The following MGAT4C variants were observed in gnomAD, a reference collection of about 807,000 sequenced individuals.
The protein encoded by MGAT4C is MGAT4 family member C, also known as alpha-1,3-mannosyl-glycoprotein 4-beta-N-acetylglucosaminyltransferase C.
A neutral mutation model predicts 40.1 loss-of-function variants in MGAT4C; 19 were observed. That is an observed-to-expected ratio of 0.47 (90% CI 0.33 to 0.70). The LOEUF (loss-of-function observed/expected upper bound fraction) is 0.70, where lower values mean the gene tolerates loss of function less well. Ranked by LOEUF, MGAT4C falls within the 30% of genes least tolerant of loss-of-function variation. The probability of loss-of-function intolerance (pLI) is 0.02; values close to 1 mark genes in which losing one functional copy is unlikely to be tolerated. For missense variants in MGAT4C, 491 were observed against 563.2 expected, an observed-to-expected ratio of 0.87 and a Z score of 1.30; for synonymous variants, 181 against 187.1, an observed-to-expected ratio of 0.97 and a Z score of 0.27.
rs1026414016 is a variant in MGAT4C at position 86,777,828 on chromosome 12, T to C, written c.-261-50587A>G. Among the ~76,000 whole-genome samples the C allele has an allele frequency of 5.9e-5, 9 of 152,302 alleles. No individual in the cohort carries two copies. In the East Asian group the frequency reaches 1.7e-3, roughly 29 times the overall value. ...TTACCTTAAATCTTAAAAGAAACAT[T>C]GATAAACTTAGGAAAAAGTAGCTGT... On this transcript the variant is annotated intron_variant, in intron 1 of 7. Transcript: ENST00000548651.
intron 3 of MGAT4C, among the ~76,000 whole-genome samples, chr12:86,384,706 A>G (rs1485419157): frequency 6.6e-6 from 1 of 152,214 alleles, no homozygotes; most frequent in Non-Finnish European, 1.5e-5. Context: ...TGTATCAGAA[A>G]CATCAAGGTG....
rs1047549501 is a variant in MGAT4C at position 86,797,378 on chromosome 12, A to T, written c.-262+41288T>A. ...TTTTTTACTTTTTATTGCTATTTCT[A>T]CTTCCTCACATTCAACTGAACTGTC... On this transcript the variant is annotated intron_variant, in intron 1 of 7. Transcript: ENST00000548651. 2.0e-5 allele frequency among the ~76,000 whole-genome samples: 3 copies of T among 151,092 alleles called. No individual in the cohort carries two copies. In the Admixed American group the frequency reaches 2.0e-4, roughly 10 times the overall value.
intron 3 of MGAT4C, among the ~76,000 whole-genome samples, chr12:86,403,200 G>A (rs1427241370): frequency 1.3e-5 from 2 of 152,096 alleles, no homozygotes; most frequent in Non-Finnish European, 2.9e-5. Context: ...AAATGGTAAA[G>A]CTTACCTTCC....
chr12:86,770,723 G>T (rs1222361730), intron 1 of MGAT4C, among the ~76,000 whole-genome samples: 2 of 151,908 alleles, frequency 1.3e-5, no homozygotes, highest in African/African-American at 2.4e-5. Context: ...TTTTATTCTT[G>T]AATATAGTTA....
chr12:86,748,257 T>C (rs1052183077), intron 1 of MGAT4C, among the ~76,000 whole-genome samples: 1 of 151,582 alleles, frequency 6.6e-6, no homozygotes, highest in Non-Finnish European at 1.5e-5. Flanking sequence ...TTTCATATAA[T>C]ATTGGCAATG....
intron 2 of MGAT4C, among the ~76,000 whole-genome samples, chr12:86,557,926 C>T (rs1709792449): frequency 6.6e-6 from 1 of 151,736 alleles, no homozygotes; most frequent in South Asian, 2.1e-4. Flanking sequence ...ATTAAGGAAA[C>T]TCAGTGAGTT....
chr12:86,799,190 C>T (rs1037925935), intron 1 of MGAT4C, among the ~76,000 whole-genome samples: 1 of 151,750 alleles, frequency 6.6e-6, no homozygotes, highest in Non-Finnish European at 1.5e-5. Context: ...CTCATCAGCA[C>T]AATCACCAAG....
intron 2 of MGAT4C, among the ~76,000 whole-genome samples, chr12:86,719,797 T>C (rs1007006073): frequency 1.3e-5 from 2 of 152,232 alleles, no homozygotes; most frequent in African/African-American, 4.8e-5. Context: ...GGGTTTTCAA[T>C]GAATTAATGT....
chr12:86,250,329 CTG>C (rs1952217501), intron 1 of MGAT4C, among the ~76,000 whole-genome samples: 1 of 75,168 alleles, frequency 1.3e-5, no homozygotes, highest in African/African-American at 5.8e-5. Flanking sequence ...CACACACACA[CTG>C]AGAGAGAGAG....
At chr12:86,131,215 A>G (rs1030342173) in intron 1 of MGAT4C, among the ~76,000 whole-genome samples, 12 of 152,130 alleles carry the variant, frequency 7.9e-5, no homozygotes, top group African/African-American at 2.9e-4. Context: ...CTCTTAGTCT[A>G]TTGAAAAATA....
At chr12:86,546,415 CT>C (rs1222409910) in intron 2 of MGAT4C, among the ~76,000 whole-genome samples, 13 of 151,916 alleles carry the variant, frequency 8.6e-5, no homozygotes, top group African/African-American at 3.1e-4. Flanking sequence ...TCTATTGCAT[CT>C]CTGCATGGAC....
At chr12:86,727,670 AG>A (rs1950844967) in intron 1 of MGAT4C, among the ~76,000 whole-genome samples, 1 of 152,170 alleles carries the variant, frequency 6.6e-6, no homozygotes, top group African/African-American at 2.4e-5. Flanking sequence ...CTTAAGAAAG[AG>A]TGATTATTAA....
intron 1 of MGAT4C, among the ~76,000 whole-genome samples, chr12:86,733,375 C>T (rs1950940018): frequency 6.6e-6 from 1 of 152,006 alleles, no homozygotes; most frequent in Non-Finnish European, 1.5e-5. Context: ...GGGGAAGGCA[C>T]AAGGCAGCCA....
chr12:86,116,120 T>C (rs1460652142), intron 1 of MGAT4C, among the ~76,000 whole-genome samples: 1 of 151,536 alleles, frequency 6.6e-6, no homozygotes. Flanking sequence ...GGCCCAACTA[T>C]AGCAGGAAAA....
At chr12:86,453,155 T>C (rs1323330183) in intron 2 of MGAT4C, among the ~76,000 whole-genome samples, 1 of 152,138 alleles carries the variant, frequency 6.6e-6, no homozygotes, top group Non-Finnish European at 1.5e-5. Context: ...TATATTTAAA[T>C]CATAGTTAAG....
At chr12:86,449,118 G>A (rs1437517653) in intron 2 of MGAT4C, among the ~76,000 whole-genome samples, 1 of 152,046 alleles carries the variant, frequency 6.6e-6, no homozygotes, top group Non-Finnish European at 1.5e-5. Context: ...ATCATTGGGG[G>A]CTACAAAACG....
intron 2 of MGAT4C, among the ~76,000 whole-genome samples, chr12:86,021,796 G>A (rs984819446): frequency 1.3e-5 from 2 of 152,036 alleles, no homozygotes; most frequent in African/African-American, 4.8e-5. Context: ...GATGGTATAA[G>A]CATTTATGTA....
chr12:86,500,380 A>G (rs1458207140), intron 2 of MGAT4C, among the ~76,000 whole-genome samples: 1 of 151,856 alleles, frequency 6.6e-6, no homozygotes, highest in Non-Finnish European at 1.5e-5. Context: ...ACATGAGAGC[A>G]TACACTATCA....
intron 3 of MGAT4C, among the ~76,000 whole-genome samples, chr12:86,429,352 T>G (rs558528404): frequency 6.6e-6 from 1 of 152,314 alleles, no homozygotes; most frequent in Non-Finnish European, 1.5e-5. Context: ...TTTTTAAAAT[T>G]TGCTGAGACT....
Sources: gnomAD v4.1 joint callset for allele counts (sites outside exome capture counted in the v4.1 genomes callset) on GRCh38, gnomAD v4.1.1 for gene constraint, MANE v1.5 for transcripts, NCBI Gene and HGNC (gene_info 2026-07-23, HGNC 2026-07-21) for gene names.